Variants in CCDC14 observed in about 807,000 individuals in gnomAD.
The protein encoded by CCDC14 is coiled-coil domain-containing protein 14.
In CCDC14, 71 loss-of-function variants were observed where a neutral mutation model predicts 81.4. The ratio of observed to expected loss-of-function variants is 0.87; its 90% confidence interval spans 0.72 to 1.06. The LOEUF (loss-of-function observed/expected upper bound fraction) is 1.06, where lower values mean the gene tolerates loss of function less well. Among genes scored for constraint, CCDC14 ranks in the 50% least tolerant of loss-of-function variants. CCDC14 has a pLI of 0.00. For synonymous variants in CCDC14, 332 were observed against 364.8 expected (o/e 0.91, Z 1.03); for missense variants, 1,046 against 1,047.3 (o/e 1.00, Z 0.02).
rs1161246191 is a variant in CCDC14, at chr3:123,947,321, TAAAG to T, written c.685-6_685-3del. 2.5e-6 allele frequency: 4 copies of T among 1,595,244 alleles called. No homozygotes were observed. Among genetic ancestry groups the T allele is most frequent in the African/African-American group, 2.7e-5 (2 of 74,162 alleles). On this transcript the variant is annotated splice_polypyrimidine_tract_variant and splice_region_variant and intron_variant, in intron 7 of 12. Transcript: ENST00000409697. The stretch of plus-strand genomic sequence containing the variant: ...ACTGTTGCCATCAGTTTGAACTTCC[TAAAG>T]AAAGATAAAAACAAGTCTTCAGAAG...
chr3:123,898,736 A>G (rs1450666325), intron 5 of CCDC14, among the ~76,000 whole-genome samples: 1 of 152,112 alleles, frequency 6.6e-6, no homozygotes, highest in African/African-American at 2.4e-5. Context: ...CACCCAGACT[A>G]GAGTGCAGCG....
chr3:123,925,337 G>C lies in CCDC14; in HGVS notation c.1778+5765C>G, dbSNP rs192740225. The stretch of plus-strand genomic sequence containing the variant: ...ACCAGAGACTGGGGTTGTGGTGGAT[G>C]TAAGGTAGGGTATGGGAAATGGGGA... On this transcript the variant is annotated intron_variant, in intron 12 of 12. Coordinates refer to ENST00000409697, the MANE Select transcript of CCDC14 (RefSeq NM_001366335.1). Among the ~76,000 whole-genome samples, 22 of 152,218 alleles carry C rather than the reference G, an allele frequency of 1.4e-4. No homozygotes were observed. The East Asian group carries it at 3.5e-3, about 24-fold the overall frequency.
chr3:123,956,590 G>A (rs2037339588), intron 2 of CCDC14, 150 bp downstream of exon 2: 1 of 742,396 alleles, frequency 1.3e-6, no homozygotes, highest in East Asian at 2.7e-5. Context: ...ATACTAAAAT[G>A]ATTAACATGG....
intron 9 of CCDC14, among the ~76,000 whole-genome samples, chr3:123,938,209 A>G (rs1473047423): frequency 6.6e-6 from 1 of 151,916 alleles, no homozygotes; most frequent in Non-Finnish European, 1.5e-5. Context: ...CATAAAATCT[A>G]TACATCAATT....
chr3:123,885,251 A>G, the CCDC14 span, among the ~76,000 whole-genome samples: 1 of 150,820 alleles, frequency 6.6e-6, no homozygotes, highest in Non-Finnish European at 1.5e-5. Flanking sequence ...ATAGATATAT[A>G]GACTAGTGAA....
chr3:123,907,166 A>G (rs1289503199), intron 5 of CCDC14, among the ~76,000 whole-genome samples: 3 of 152,228 alleles, frequency 2.0e-5, no homozygotes, highest in Non-Finnish European at 4.4e-5. Context: ...ATTTTAGTAT[A>G]GATCCTCTGC....
At chr3:123,953,880 C>T (rs1222332213) in intron 5 of CCDC14, 1 of 152,194 alleles carries the variant, frequency 6.6e-6, no homozygotes, top group Non-Finnish European at 1.5e-5. Flanking sequence ...GCTGCTAGCA[C>T]TAGGCTCGCA....
downstream of CCDC14, among the ~76,000 whole-genome samples, chr3:123,892,675 C>T (rs566285288): frequency 1.8e-4 from 28 of 151,906 alleles, no homozygotes; most frequent in Admixed American, 3.9e-4. Context: ...CTTCCACCAG[C>T]CCCCTCCTCC....
At chr3:123,947,395 T>C (rs993499264) in intron 7 of CCDC14, 76 bp from the exon 8 acceptor site, 2 of 940,656 alleles carry the variant, frequency 2.1e-6, no homozygotes, top group African/African-American at 3.3e-5. Flanking sequence ...AACTCAAATA[T>C]ATGAAATATA....
In CCDC14 at chr3:123,907,361, C is replaced by T. The variant is rs78891254; in HGVS notation, c.668-9748G>A. Reference sequence around the variant, plus strand: ...CCTATGCTCTCTGTCTCTAAACACACAATCTATGTAAAGCCCATGGATCCT... The same window carrying T: ...CCTATGCTCTCTGTCTCTAAACACATAATCTATGTAAAGCCCATGGATCCT... On this transcript the variant is annotated intron_variant, in intron 5 of 5. Transcript: ENST00000479903. Among the ~76,000 whole-genome samples the T allele has an allele frequency of 8.6e-3, 1,308 of 152,200 alleles. 26 individuals are homozygous for T. The highest frequency in any genetic ancestry group is 0.03 in the African/African-American group (1,226 of 41,496).
In CCDC14 at chr3:123,931,513, C is replaced by A; in HGVS notation, c.1440G>T (p.Gln480His). 1 of 1,552,162 alleles carries A rather than the reference C, an allele frequency of 6.4e-7. No homozygotes were observed. Among genetic ancestry groups the A allele is most frequent in the Non-Finnish European group, 8.7e-7 (1 of 1,147,112 alleles). Residue 480 changes from glutamine (Q) to histidine (H), a missense_variant, in exon 11 of 13, where the codon CAG becomes CAT. Coordinates refer to ENST00000409697, the MANE Select transcript of CCDC14 (RefSeq NM_001366335.1). The part of the protein sequence containing the change: ...VDCNLELFSL[Q>H]SLNMSLQNQL... The stretch of plus-strand genomic sequence containing the variant: ...GATTTTGCAGTGACATATTCAATGA[C>A]TGAAGAGAAAACACTGTTAAGACAA...
intron 2 of CCDC14, 117 bp from the exon 3 acceptor site, chr3:123,956,544 T>G: frequency 2.5e-6 from 2 of 792,856 alleles, no homozygotes; most frequent in Non-Finnish European, 4.0e-6. Flanking sequence ...CAAGATGAAT[T>G]TATAAACACA....
At chr3:123,945,404 C>A (rs1468657204) in intron 8 of CCDC14, among the ~76,000 whole-genome samples, 1 of 152,032 alleles carries the variant, frequency 6.6e-6, no homozygotes, top group East Asian at 1.9e-4. Flanking sequence ...TTGATCCTGG[C>A]ATAAGCAAAC....
chr3:123,919,093 C>T (rs2034889025), intron 12 of CCDC14, among the ~76,000 whole-genome samples: 2 of 152,260 alleles, frequency 1.3e-5, no homozygotes, highest in South Asian at 4.2e-4. Context: ...CAGTACTCTG[C>T]TTATGGCTTC....
intron 12 of CCDC14, among the ~76,000 whole-genome samples, chr3:123,920,891 A>G (rs1441901421): frequency 6.6e-6 from 1 of 152,216 alleles, no homozygotes; most frequent in African/African-American, 2.4e-5. Context: ...TATAAATTAG[A>G]AAAAGATGTA....
At chr3:123,887,089 T>C in the CCDC14 span, among the ~76,000 whole-genome samples, 1 of 152,222 alleles carries the variant, frequency 6.6e-6, no homozygotes, top group East Asian at 1.9e-4. Flanking sequence ...GTTTTGATTC[T>C]TGAAAACAGT....
At chr3:123,956,543 T>C (rs1482572514) in intron 2 of CCDC14, 116 bp from the exon 3 acceptor site, 5 of 794,256 alleles carry the variant, frequency 6.3e-6, no homozygotes, top group Non-Finnish European at 1.0e-5. Flanking sequence ...ACAAGATGAA[T>C]TTATAAACAC....
the CCDC14 span, among the ~76,000 whole-genome samples, chr3:123,887,143 T>G: frequency 6.6e-6 from 1 of 152,222 alleles, no homozygotes; most frequent in Non-Finnish European, 1.5e-5. Flanking sequence ...ATACTCTATC[T>G]AAATTATCAG....
intron 9 of CCDC14, among the ~76,000 whole-genome samples, chr3:123,942,086 A>G (rs2036378456): frequency 6.6e-6 from 1 of 151,986 alleles, no homozygotes; most frequent in African/African-American, 2.4e-5. Flanking sequence ...CTACTTCCTA[A>G]CCGAGACAGT....
Sources: gnomAD v4.1 joint callset for allele counts (sites outside exome capture counted in the v4.1 genomes callset) on GRCh38, gnomAD v4.1.1 for gene constraint, MANE v1.5 for transcripts, NCBI Gene and HGNC (gene_info 2026-07-23, HGNC 2026-07-21) for gene names.